The following HEG1 variants were observed in gnomAD, a reference collection of about 807,000 sequenced individuals.
HEG1 encodes heart development protein with EGF like domains 1.
A neutral mutation model predicts 125.6 loss-of-function variants in HEG1; 56 were observed. That is an observed-to-expected ratio of 0.45 (90% CI 0.36 to 0.56). The LOEUF (loss-of-function observed/expected upper bound fraction) is 0.56, where lower values mean the gene tolerates loss of function less well. Ranked by LOEUF, HEG1 falls within the 20% of genes least tolerant of loss-of-function variation. The pLI, the probability that HEG1 is intolerant of heterozygous loss-of-function variation, is 0.00. For synonymous variants in HEG1, 644 were observed against 668.5 expected, an observed-to-expected ratio of 0.96 and a Z score of 0.57; for missense variants, 1,523 against 1,670.0, an observed-to-expected ratio of 0.91 and a Z score of 1.53.
At chr3:125,005,464 C>T in intron 8 of HEG1, 96 bp from the exon 9 acceptor site, 1 of 619,570 alleles carries the variant, frequency 1.6e-6, no homozygotes, top group Non-Finnish European at 2.8e-6. Context: ...CTTTACTCCA[C>T]CTCACAGGAC....
At chr3:125,041,078 C>T (rs1203844195) in intron 1 of HEG1, among the ~76,000 whole-genome samples, 2 of 152,176 alleles carry the variant, frequency 1.3e-5, no homozygotes, top group African/African-American at 4.8e-5. Context: ...GAGCCCAGCT[C>T]CTTCATTCCA....
rs1407406585 is a variant in HEG1 at position 124,970,055 on chromosome 3, G to A, written c.*597C>T. 1 of 152,342 alleles carries A rather than the reference G, an allele frequency of 6.6e-6. No homozygotes were observed. Among genetic ancestry groups the A allele is most frequent in the Non-Finnish European group, 1.5e-5 (1 of 68,164 alleles). The allele number at this position is 152,342 out of a possible 1,614,324, so 9.4% of individuals were successfully genotyped here. On this transcript the variant is annotated 3_prime_UTR_variant, in exon 17 of 17. Transcript: ENST00000311127. ...TGTGGGGGCTGGCTTGGAAACTGTA[G>A]CATAAGACAACCTAGAAACATATGA...
At chr3:125,054,277 A>C (rs1020330326) in intron 1 of HEG1, among the ~76,000 whole-genome samples, 5 of 152,214 alleles carry the variant, frequency 3.3e-5, no homozygotes, top group Admixed American at 2.6e-4. Flanking sequence ...TCAGAAGCTT[A>C]TCTCTCCTCT....
At chr3:125,029,860 C>T (rs1362636650) in intron 1 of HEG1, among the ~76,000 whole-genome samples, 2 of 152,166 alleles carry the variant, frequency 1.3e-5, no homozygotes, top group South Asian at 2.1e-4. Flanking sequence ...CCATTGCACT[C>T]CAGCCTGGGC....
chr3:124,984,097 T>C lies in HEG1; in HGVS notation c.3734-6151A>G, dbSNP rs531404275. ...CACCAACACACAGCATTTCCATTGG[T>C]CTAAGTCTTTTATAACCCAAGGCAA... On this transcript the variant is annotated intron_variant, in intron 14 of 16. Coordinates refer to ENST00000311127, the MANE Select transcript of HEG1 (RefSeq NM_020733.2). Among the ~76,000 whole-genome samples, 7 of 152,280 alleles carry C rather than the reference T, an allele frequency of 4.6e-5. No individual in the cohort carries two copies. The South Asian group carries it at 1.4e-3, about 32-fold the overall frequency.
At chr3:124,980,935 G>C (rs1350601615) in intron 14 of HEG1, among the ~76,000 whole-genome samples, 2 of 151,656 alleles carry the variant, frequency 1.3e-5, no homozygotes, top group Non-Finnish European at 2.9e-5. Flanking sequence ...GTTCACTACA[G>C]CCTTCAACTC....
At position 125,001,978 on chromosome 3, in the gene HEG1, T is replaced by C. The variant is rs1937007125; in HGVS notation, c.3391A>G (p.Thr1131Ala). The change falls in exon 11 of 17, where the codon ACC (threonine) becomes GCC (alanine). Residue 1131 changes from threonine to alanine, a missense_variant. By Grantham distance (58) the Thr-to-Ala change is moderately conservative (BLOSUM62 0). Transcript: ENST00000311127. ...SNAVVISLQTTFSLASNVTLF... is the reference protein window; with the variant it reads ...SNAVVISLQTAFSLASNVTLF... Reference sequence around the variant, plus strand: ...GTCACATTGGAGGCCAGGGAAAAGGTTGTTTGCAGTGAGATCACCACCGCG... The same window carrying C: ...GTCACATTGGAGGCCAGGGAAAAGGCTGTTTGCAGTGAGATCACCACCGCG... 2.5e-6 allele frequency: 4 copies of C among 1,613,982 alleles called. No individual in the cohort carries two copies. In the South Asian group the frequency reaches 3.3e-5, roughly 13 times the overall value.
rs773797511 is a variant in HEG1, at chr3:125,013,857, G to C, written c.1722C>G (p.Asn574Lys). ...TCTCCACAATGTCTGAGGATGAACTGTTATCTGTAATGGACAGTAACGCCC... is the reference window on the plus strand; with the variant it reads ...TCTCCACAATGTCTGAGGATGAACTCTTATCTGTAATGGACAGTAACGCCC... ...GERALLSITD[N>K]SSSSDIVESS... The change falls in exon 6 of 17, where the codon AAC (asparagine) becomes AAG (lysine). Residue 574 changes from asparagine (N) to lysine (K), a missense_variant. By Grantham distance (94) the Asn-to-Lys change is moderately conservative. Coordinates refer to ENST00000311127, the MANE Select transcript of HEG1 (RefSeq NM_020733.2). 5.0e-6 allele frequency: 8 copies of C among 1,613,790 alleles called. No individual in the cohort carries two copies. Among genetic ancestry groups the C allele is most frequent in the African/African-American group, 4.0e-5 (3 of 74,898 alleles).
chr3:125,000,561 C>G (rs761061560), intron 11 of HEG1, among the ~76,000 whole-genome samples: 1 of 152,090 alleles, frequency 6.6e-6, no homozygotes, highest in Non-Finnish European at 1.5e-5. Flanking sequence ...CTACCTCACT[C>G]CCCCATCAAT....
intron 6 of HEG1, among the ~76,000 whole-genome samples, chr3:125,011,564 C>G (rs1223725161): frequency 6.6e-6 from 1 of 152,196 alleles, no homozygotes; most frequent in African/African-American, 2.4e-5. Context: ...TCCCAAACTT[C>G]CCTGGAGAAA....
intron 1 of HEG1, among the ~76,000 whole-genome samples, chr3:125,042,641 G>C (rs1013365482): frequency 7.2e-5 from 11 of 152,146 alleles, no homozygotes; most frequent in Admixed American, 2.0e-4. Flanking sequence ...AGTTTGGAAG[G>C]GGCAAGGTTA....
intron 14 of HEG1, among the ~76,000 whole-genome samples, chr3:124,987,952 C>CACACACACACACACACATATATAT: frequency 3.5e-4 from 19 of 54,700 alleles, no homozygotes; most frequent in South Asian, 1.9e-3. Context: ...CACACACACA[C>CACACACACACACACACATATATAT]ATATATATAT....
intron 15 of HEG1, among the ~76,000 whole-genome samples, chr3:124,975,787 G>A (rs917594206): frequency 6.6e-6 from 1 of 152,154 alleles, no homozygotes; most frequent in Non-Finnish European, 1.5e-5. Flanking sequence ...ACAGTAGGTG[G>A]TCTTTTGGGA....
At position 125,013,224 on chromosome 3, in the gene HEG1, G is replaced by C; in HGVS notation, c.2355C>G (p.His785Gln). The C allele has an allele frequency of 6.2e-7, 1 of 1,614,022 alleles. No homozygotes were observed. Among genetic ancestry groups the C allele is most frequent in the Non-Finnish European group, 8.5e-7 (1 of 1,179,898 alleles). ...TTGATTCTGTAATGACTTTCTCTTG[G>C]TGTGGGGTGCTCTGGCTCTTAAGGT... ...TADLKSQSTP[H>Q]QEKVITESKS... Residue 785 changes from histidine to glutamine, a missense_variant, in exon 6 of 17, where the codon CAC becomes CAG. Transcript: ENST00000311127.
intron 1 of HEG1, among the ~76,000 whole-genome samples, chr3:125,045,160 T>C (rs1051742903): frequency 1.3e-5 from 2 of 152,206 alleles, no homozygotes; most frequent in Non-Finnish European, 2.9e-5. Flanking sequence ...TGGTTTAAAG[T>C]GAAGCTCACT....
In HEG1 at chr3:125,055,633, C is replaced by T; in HGVS notation, c.258G>A (p.Glu86=). 9.2e-6 allele frequency: 11 copies of T among 1,199,452 alleles called. No homozygotes were observed. Among genetic ancestry groups the T allele is most frequent in the Non-Finnish European group, 1.1e-5 (11 of 966,962 alleles). 74.3% of individuals were successfully genotyped at this position (1,199,452 alleles called of 1,614,324 possible). The change falls in exon 1 of 17, where the codon GAG becomes GAA. Residue 86 remains glutamate, a synonymous_variant. Transcript: ENST00000311127. ...GTCCCCGCTGTGTCGCGGCGCCTGG[C>T]TCAGGGGCCCTGTAGCTGGGGCCGG... ...ATPGPSYRAP[E]PGAATQRGPS...
chr3:124,989,411 T>A (rs1936793484), intron 14 of HEG1, among the ~76,000 whole-genome samples: 1 of 152,230 alleles, frequency 6.6e-6, no homozygotes, highest in Admixed American at 6.5e-5. Context: ...AATAGTCCAC[T>A]GGCACATTTG....
Position 124,978,379 on chromosome 3 carries a change from C to T in HEG1, c.3734-433G>A, listed in dbSNP as rs776616143. ...AGCCAGGATGGTCTCAATCTCCTGA[C>T]CTCTTGATCCACCTGCCTCGGCCTC... On this transcript the variant is annotated intron_variant, in intron 14 of 16. Coordinates refer to ENST00000311127, the MANE Select transcript of HEG1 (RefSeq NM_020733.2). Among the ~76,000 whole-genome samples the T allele has an allele frequency of 2.0e-5, 3 of 152,182 alleles. No homozygotes were observed. The South Asian group carries it at 6.2e-4, about 32-fold the overall frequency.
chr3:125,027,624 G>C, intron 2 of HEG1, 117 bp from the exon 3 acceptor site: 2 of 843,620 alleles, frequency 2.4e-6, no homozygotes, highest in Non-Finnish European at 3.6e-6. Context: ...AAGAAATTAG[G>C]AGAATAATTC....
Sources: allele counts gnomAD v4.1 joint callset (sites outside exome capture counted in the v4.1 genomes callset), GRCh38; gene constraint gnomAD v4.1.1; transcripts MANE v1.5; gene names NCBI Gene and HGNC (gene_info 2026-07-23, HGNC 2026-07-21).